DENND2A: variants seen among roughly 807,000 people sequenced by gnomAD.
DENND2A encodes the protein DENN domain containing 2A, also known as DENN domain-containing protein 2A.
In DENND2A, 53 loss-of-function variants were observed where a neutral mutation model predicts 105.3. That is an observed-to-expected ratio of 0.50 (90% confidence interval 0.40 to 0.63). The LOEUF (loss-of-function observed/expected upper bound fraction) is 0.63. DENND2A is among the 30% of genes least tolerant of loss of function. The pLI is 0.00. For synonymous variants in DENND2A, 522 were observed against 508.4 expected, an observed-to-expected ratio of 1.03 and a Z score of -0.36; for missense variants, 1,138 against 1,279.6, an observed-to-expected ratio of 0.89 and a Z score of 1.69.
intron 5 of DENND2A, among the ~76,000 whole-genome samples, chr7:140,576,524 C>T (rs1022490983): frequency 3.3e-5 from 5 of 152,126 alleles, no homozygotes; most frequent in African/African-American, 1.2e-4. Context: ...ACTTATGAGG[C>T]CACATTTATC....
At position 140,559,863 on chromosome 7, in the gene DENND2A, T is replaced by A. The variant is rs1563141302; in HGVS notation, c.1780-46A>T. On this transcript the variant is annotated intron_variant, in intron 9 of 19. Transcript: ENST00000496613. This position sits in a 1 kb window ranked among gnomAD's most constrained non-coding sequence, Gnocchi z 4.1. ...GAAAATTCGAGAACAAATCTCAGCA[T>A]GGGAAATTGAGGCGGATGATGGTAA... 2 of 1,443,710 alleles carry A rather than the reference T, an allele frequency of 1.4e-6. No individual in the cohort carries two copies. The highest frequency in any genetic ancestry group is 1.9e-6 in the Non-Finnish European group (2 of 1,028,302). The allele number at this position is 1,443,710 out of a possible 1,614,324, so 89.4% of individuals were successfully genotyped here. A position where few individuals can be genotyped will look rare whatever the true frequency, so the allele number is the denominator to read the frequency against.
intron 15 of DENND2A, 101 bp from the exon 16 acceptor site, chr7:140,525,893 G>C (rs1585550432): frequency 7.0e-6 from 7 of 998,072 alleles, no homozygotes; most frequent in Non-Finnish European, 9.9e-6. Context: ...GAGGCAGCTG[G>C]GGCGGGGCTG....
At chr7:140,593,518 T>G (rs1478174330) in intron 3 of DENND2A, among the ~76,000 whole-genome samples, 5 of 152,352 alleles carry the variant, frequency 3.3e-5, no homozygotes, top group Non-Finnish European at 7.3e-5. Flanking sequence ...CTTCTCCATA[T>G]TTTTGTAAAT....
At chr7:140,553,585 CT>C (rs1391218612) in intron 12 of DENND2A, among the ~76,000 whole-genome samples, 1 of 152,176 alleles carries the variant, frequency 6.6e-6, no homozygotes, top group Non-Finnish European at 1.5e-5. Context: ...ATATTTCAGA[CT>C]ATCCCATGAG....
rs1222249970 is a variant in DENND2A at position 140,628,535 on chromosome 7, TC to T, written c.-248+11968del. Among the ~76,000 whole-genome samples, 45 of 146,208 alleles carry T rather than the reference TC, an allele frequency of 3.1e-4. 1 individual carries two copies. The highest frequency in any genetic ancestry group is 5.8e-4 in the Non-Finnish European group (39 of 67,060). ...AATCCCCTTTGGCCTAAAATTTCTT[TC>T]TTTTTTTTTTTTTTTTTTTTTGAGG... On this transcript the variant is annotated intron_variant, in intron 1 of 19. Coordinates refer to ENST00000496613, the MANE Select transcript of DENND2A (RefSeq NM_015689.5).
chr7:140,528,712 A>G (rs1796147620), intron 14 of DENND2A, among the ~76,000 whole-genome samples: 1 of 150,494 alleles, frequency 6.6e-6, no homozygotes, highest in Non-Finnish European at 1.5e-5. Context: ...GTGAACTGAG[A>G]TTACACCATT....
intron 5 of DENND2A, among the ~76,000 whole-genome samples, chr7:140,584,860 A>C (rs996119698): frequency 2.0e-5 from 3 of 152,194 alleles, no homozygotes; most frequent in Non-Finnish European, 4.4e-5. Context: ...AAAAAAACCC[A>C]CATATAGACA....
At chr7:140,566,414 C>T (rs1013428365) in intron 9 of DENND2A, among the ~76,000 whole-genome samples, 27 of 152,128 alleles carry the variant, frequency 1.8e-4, no homozygotes, top group Non-Finnish European at 3.5e-4. Context: ...TCCAAGAACC[C>T]TCTCTAGAGG....
intron 14 of DENND2A, among the ~76,000 whole-genome samples, chr7:140,533,000 T>TG (rs1796320804): frequency 6.7e-6 from 1 of 149,504 alleles, no homozygotes; most frequent in Non-Finnish European, 1.5e-5. Context: ...GCTTTTTTTT[T>TG]TTTTTTTTTT....
chr7:140,549,966 A>G (rs1345483791), intron 12 of DENND2A, among the ~76,000 whole-genome samples: 1 of 152,240 alleles, frequency 6.6e-6, no homozygotes, highest in African/African-American at 2.4e-5. Context: ...GTACAGATAC[A>G]TGCTACGACA....
At chr7:140,558,411 C>T (rs549970662) in intron 10 of DENND2A, among the ~76,000 whole-genome samples, 199 bp from the exon 11 acceptor site, 29 of 152,226 alleles carry the variant, frequency 1.9e-4, no homozygotes, top group African/African-American at 7.0e-4. Flanking sequence ...GTCAGTGAGA[C>T]TGGGCTGGGC....
At position 140,550,607 on chromosome 7, in the gene DENND2A, C is replaced by T. The variant is rs138098322; in HGVS notation, c.2038-3668G>A. On this transcript the variant is annotated intron_variant, in intron 12 of 19. Transcript: ENST00000496613. Reference sequence around the variant, plus strand: ...AAGTGCTGGGATTACAGGTGTGAGCCACTTCATCCAGCTTTAGCTAATTTT... The same window carrying T: ...AAGTGCTGGGATTACAGGTGTGAGCTACTTCATCCAGCTTTAGCTAATTTT... Among the ~76,000 whole-genome samples the T allele has an allele frequency of 9.1e-3, 1,385 of 152,278 alleles. 19 individuals carry two copies. Among genetic ancestry groups the T allele is most frequent in the African/African-American group, 0.032 (1,337 of 41,556 alleles).
intron 1 of DENND2A, chr7:140,609,771 T>C (rs1208920543): frequency 6.6e-6 from 1 of 152,248 alleles, no homozygotes; most frequent in African/African-American, 2.4e-5. Flanking sequence ...TGTAAAATCT[T>C]TTCTTGGCTC....
At chr7:140,574,443 T>G (rs1163645680) in intron 5 of DENND2A, among the ~76,000 whole-genome samples, 3 of 152,034 alleles carry the variant, frequency 2.0e-5, no homozygotes, top group African/African-American at 4.8e-5. Context: ...GGTCTCGAAC[T>G]CTTAAGCTCA....
At chr7:140,610,143 T>A (rs991175448) in intron 1 of DENND2A, among the ~76,000 whole-genome samples, 1 of 151,796 alleles carries the variant, frequency 6.6e-6, no homozygotes, top group East Asian at 1.9e-4. Context: ...TTAAAAAAAA[T>A]TTTTTTTAGT....
At chr7:140,562,568 A>T (rs886693239) in intron 9 of DENND2A, among the ~76,000 whole-genome samples, 4 of 152,140 alleles carry the variant, frequency 2.6e-5, no homozygotes, top group Non-Finnish European at 5.9e-5. Context: ...AGGCTGAGGC[A>T]GAAGAATGGC....
At chr7:140,542,319 T>A (rs112519311) in intron 14 of DENND2A, among the ~76,000 whole-genome samples, 398 of 152,288 alleles carry the variant, frequency 2.6e-3, no homozygotes, top group Middle Eastern at 0.01. Context: ...CCTTAGCAAA[T>A]TATTGAATGT....
Position 140,559,015 on chromosome 7 carries a change from A to C in DENND2A, c.1889+693T>G, listed in dbSNP as rs778207406. 6.6e-5 allele frequency among the ~76,000 whole-genome samples: 10 copies of C among 152,078 alleles called. No homozygotes were observed. The highest frequency in any genetic ancestry group is 2.0e-4 in the Admixed American group (3 of 15,254). On this transcript the variant is annotated intron_variant, in intron 10 of 19. Coordinates refer to ENST00000496613, the MANE Select transcript of DENND2A (RefSeq NM_015689.5). This position sits in a 1 kb window ranked among gnomAD's most constrained non-coding sequence, Gnocchi z 4.1. Reference sequence around the variant, plus strand: ...AAAACACAACTGTCATTTACTCTGGAGGCTAAAGAGAGGGAAGAGCCTGGG... The same window carrying C: ...AAAACACAACTGTCATTTACTCTGGCGGCTAAAGAGAGGGAAGAGCCTGGG...
chr7:140,531,802 C>T (rs778331557), intron 14 of DENND2A, among the ~76,000 whole-genome samples: 29 of 139,546 alleles, frequency 2.1e-4, no homozygotes, highest in Admixed American at 5.1e-4. Context: ...GCAACAAACG[C>T]GAAACTCTGT....
Sources: gnomAD v4.1 joint callset for allele counts (sites outside exome capture counted in the v4.1 genomes callset) on GRCh38, gnomAD v4.1.1 for gene constraint, Gnocchi (gnomAD v3.1) non-coding constraint, MANE v1.5 for transcripts, NCBI Gene and HGNC (gene_info 2026-07-23, HGNC 2026-07-21) for gene names.